CSNK1G3: variants seen among roughly 807,000 people sequenced by gnomAD.
The protein encoded by CSNK1G3 is casein kinase I isoform gamma-3.
In CSNK1G3, 23 loss-of-function variants were observed where a neutral mutation model predicts 64.3. The observed-to-expected ratio is 0.36, with a 90% CI of 0.26 to 0.51. The LOEUF is 0.51. Ranked by LOEUF, CSNK1G3 falls within the 20% of genes least tolerant of loss-of-function variation. The pLI, the probability that CSNK1G3 is intolerant of heterozygous loss-of-function variation, is 0.96. For synonymous variants in CSNK1G3, 158 were observed against 162.2 expected (o/e 0.97, Z 0.20); for missense variants, 357 against 510.5 (o/e 0.70, Z 2.90).
chr5:123,529,707 G>C (rs371224963), intron 1 of CSNK1G3, among the ~76,000 whole-genome samples: 1 of 152,152 alleles, frequency 6.6e-6, no homozygotes, highest in African/African-American at 2.4e-5. Context: ...ACGGAGGTTG[G>C]TATGGTGAAT....
chr5:123,586,946 G>A (rs908423014), intron 6 of CSNK1G3, among the ~76,000 whole-genome samples: 5 of 152,150 alleles, frequency 3.3e-5, no homozygotes, highest in Admixed American at 2.6e-4. Context: ...GGCAAAGAGA[G>A]CTTGTGCAGG....
At chr5:123,534,459 C>T (rs1019789421) in intron 1 of CSNK1G3, among the ~76,000 whole-genome samples, 1 of 151,986 alleles carries the variant, frequency 6.6e-6, no homozygotes, top group Admixed American at 6.6e-5. Context: ...GGTTATGCTA[C>T]CTTATATAAT....
chr5:123,554,022 GTTA>G (rs1784167613), intron 3 of CSNK1G3, among the ~76,000 whole-genome samples: 1 of 152,084 alleles, frequency 6.6e-6, no homozygotes, highest in Non-Finnish European at 1.5e-5. Context: ...TATAACCTCT[GTTA>G]TTAGGGTAAT....
At chr5:123,579,589 G>A (rs1386945170) in intron 6 of CSNK1G3, among the ~76,000 whole-genome samples, 1 of 151,922 alleles carries the variant, frequency 6.6e-6, no homozygotes, top group Non-Finnish European at 1.5e-5. Flanking sequence ...GAGACATGAA[G>A]TCACAACTTC....
At chr5:123,526,766 A>G (rs1231002547) in intron 1 of CSNK1G3, among the ~76,000 whole-genome samples, 1 of 151,990 alleles carries the variant, frequency 6.6e-6, no homozygotes, top group Non-Finnish European at 1.5e-5. Flanking sequence ...CTGCTGAGCA[A>G]TATTCCATTG....
At chr5:123,599,551 C>G (rs548159950) in intron 10 of CSNK1G3, among the ~76,000 whole-genome samples, 1 of 152,256 alleles carries the variant, frequency 6.6e-6, no homozygotes, top group Admixed American at 6.5e-5. Flanking sequence ...GATTAAAAGT[C>G]TAGAGGAATA....
intron 1 of CSNK1G3, among the ~76,000 whole-genome samples, chr5:123,517,709 A>G (rs1350924179): frequency 6.6e-6 from 1 of 152,200 alleles, no homozygotes; most frequent in Admixed American, 6.5e-5. Context: ...CTGGAAGAAA[A>G]GGCCATAGCT....
chr5:123,556,887 C>G (rs1342268739), intron 3 of CSNK1G3, among the ~76,000 whole-genome samples: 4 of 151,672 alleles, frequency 2.6e-5, no homozygotes, highest in Non-Finnish European at 5.9e-5. Context: ...TAGGTGAAAT[C>G]CAGCAACAGG....
chr5:123,537,103 G>T lies in CSNK1G3; in HGVS notation c.-247-8314G>T, dbSNP rs187913929. ...ACTACTGGGTATCTACCCAAAGGAAGAGAAATCCACATGTCAAAAAGATGC... is the reference window on the plus strand; with the variant it reads ...ACTACTGGGTATCTACCCAAAGGAATAGAAATCCACATGTCAAAAAGATGC... On this transcript the variant is annotated intron_variant, in intron 1 of 12. Coordinates refer to ENST00000345990, the Ensembl canonical transcript of CSNK1G3. Among the ~76,000 whole-genome samples the T allele has an allele frequency of 8.5e-5, 13 of 152,222 alleles. No homozygotes were observed. In the East Asian group the frequency reaches 2.3e-3, roughly 27 times the overall value.
chr5:123,537,737 T>G (rs1328017309), intron 1 of CSNK1G3, among the ~76,000 whole-genome samples: 2 of 152,146 alleles, frequency 1.3e-5, no homozygotes, highest in African/African-American at 4.8e-5. Flanking sequence ...AAATATAGTT[T>G]GATGAGTTTT....
chr5:123,606,789 T>C (rs1795442051), intron 12 of CSNK1G3, among the ~76,000 whole-genome samples: 1 of 152,188 alleles, frequency 6.6e-6, no homozygotes, highest in African/African-American at 2.4e-5. Context: ...ATCTATTACA[T>C]TTATCCATTT....
chr5:123,580,664 T>G (rs1184356257), intron 6 of CSNK1G3, among the ~76,000 whole-genome samples: 1 of 151,982 alleles, frequency 6.6e-6, no homozygotes, highest in East Asian at 1.9e-4. Context: ...TTTTAATATC[T>G]TTTTAAAGAC....
chr5:123,555,823 T>C (rs531802966), intron 3 of CSNK1G3, among the ~76,000 whole-genome samples: 1 of 152,192 alleles, frequency 6.6e-6, no homozygotes, highest in African/African-American at 2.4e-5. Flanking sequence ...TTGAATAAGT[T>C]ATATATTTAA....
chr5:123,580,674 C>G (rs1447929606), intron 6 of CSNK1G3, among the ~76,000 whole-genome samples: 4 of 151,990 alleles, frequency 2.6e-5, no homozygotes, highest in Non-Finnish European at 4.4e-5. Context: ...TTTTTAAAGA[C>G]TTTTGTTAGC....
chr5:123,609,491 TCAGG>T (rs2151219187), intron 12 of CSNK1G3, among the ~76,000 whole-genome samples: 1 of 152,318 alleles, frequency 6.6e-6, no homozygotes, highest in East Asian at 1.9e-4. Context: ...TACTAAGTGT[TCAGG>T]ACTTTGATAG....
chr5:123,553,056 T>C, intron 2 of CSNK1G3, 51 bp from the exon 3 acceptor site: 1 of 997,390 alleles, frequency 1.0e-6, no homozygotes, highest in Non-Finnish European at 1.5e-6. Flanking sequence ...TTATATAATG[T>C]ATCTTTAAAA....
At chr5:123,554,457 T>C (rs1209661168) in intron 3 of CSNK1G3, among the ~76,000 whole-genome samples, 1 of 152,168 alleles carries the variant, frequency 6.6e-6, no homozygotes, top group Non-Finnish European at 1.5e-5. Flanking sequence ...TTTCTTTCTA[T>C]GGGCCGATGT....
chr5:123,535,947 T>A (rs924294592), intron 1 of CSNK1G3, among the ~76,000 whole-genome samples: 1 of 152,116 alleles, frequency 6.6e-6, no homozygotes, highest in Non-Finnish European at 1.5e-5. Context: ...TTCTTCTTTC[T>A]TGCATTCTCC....
At chr5:123,596,982 G>T (rs1793560171) in intron 10 of CSNK1G3, among the ~76,000 whole-genome samples, 1 of 151,912 alleles carries the variant, frequency 6.6e-6, no homozygotes, top group Non-Finnish European at 1.5e-5. Flanking sequence ...TGTGACCCTT[G>T]TGTAATTGGA....
Sources: gnomAD v4.1 joint callset for allele counts (sites outside exome capture counted in the v4.1 genomes callset) on GRCh38, gnomAD v4.1.1 for gene constraint, MANE v1.5 for transcripts, NCBI Gene and HGNC (gene_info 2026-07-23, HGNC 2026-07-21) for gene names.